The following PRICKLE2 variants were observed in gnomAD, a reference collection of about 807,000 sequenced individuals.
PRICKLE2 encodes the protein prickle planar cell polarity protein 2, also known as prickle-like protein 2.
In PRICKLE2, 21 loss-of-function variants were observed where a neutral mutation model predicts 81.4. The observed-to-expected ratio is 0.26, with a 90% CI of 0.18 to 0.37. PRICKLE2 has a LOEUF of 0.37. PRICKLE2 is among the 10% of genes least tolerant of loss of function. The pLI, the probability that PRICKLE2 is intolerant of heterozygous loss-of-function variation, is 1.00. For synonymous variants in PRICKLE2, 456 were observed against 421.5 expected, an observed-to-expected ratio of 1.08 and a Z score of -1.00; for missense variants, 940 against 1,109.0, an observed-to-expected ratio of 0.85 and a Z score of 2.16.
At chr3:64,156,054 C>T (rs1397810075) in intron 5 of PRICKLE2, among the ~76,000 whole-genome samples, 1 of 152,158 alleles carries the variant, frequency 6.6e-6, no homozygotes, top group African/African-American at 2.4e-5. Flanking sequence ...AAAGTGTGTG[C>T]TTCAATCATA....
upstream of PRICKLE2, chr3:64,225,517 C>A (rs116071865): frequency 2.6e-3 from 2,366 of 923,848 alleles, 45 homozygotes; most frequent in African/African-American, 0.04. Flanking sequence ...AAGTCAGTCA[C>A]GGCATCTGGA....
Position 64,265,134 on chromosome 3 carries a change from C to G in PRICKLE2, c.129-66167G>C, listed in dbSNP as rs190796994. Among the ~76,000 whole-genome samples the G allele has an allele frequency of 5.9e-5, 9 of 152,110 alleles. No individual in the cohort carries two copies. In the East Asian group the frequency reaches 1.7e-3, roughly 29 times the overall value. ...AGAGGAGCAGGATATGAAAAAACAT[C>G]ACCAACAAAACAAAACAAAGCAAAA... On this transcript the variant is annotated intron_variant, in intron 2 of 8. Coordinates refer to the PRICKLE2 transcript ENST00000295902.
chr3:64,220,522 C>T (rs2078935450), intron 1 of PRICKLE2, among the ~76,000 whole-genome samples: 1 of 152,144 alleles, frequency 6.6e-6, no homozygotes, highest in African/African-American at 2.4e-5. Flanking sequence ...CTTCAGTGCC[C>T]CAGGATACAG....
chr3:64,226,372 G>T (rs188117117), upstream of PRICKLE2, among the ~76,000 whole-genome samples: 2 of 152,298 alleles, frequency 1.3e-5, 1 homozygote, highest in East Asian at 3.9e-4. Context: ...AGAGCCCTGT[G>T]TTCAAATCCT....
chr3:64,153,445 C>T, intron 5 of PRICKLE2, 77 bp from the exon 6 acceptor site: 1 of 1,402,708 alleles, frequency 7.1e-7, no homozygotes, highest in Admixed American at 1.7e-5. Context: ...GCTATGGGGT[C>T]CTTGAACTAG....
chr3:64,206,133 C>T (rs1009200666), intron 1 of PRICKLE2, among the ~76,000 whole-genome samples: 1 of 152,068 alleles, frequency 6.6e-6, no homozygotes, highest in African/African-American at 2.4e-5. Context: ...ATCTGGTTGC[C>T]AAGACATTAC....
intron 1 of PRICKLE2, among the ~76,000 whole-genome samples, chr3:64,215,299 T>TAA (rs2078854764): frequency 6.6e-6 from 1 of 152,196 alleles, no homozygotes; most frequent in Non-Finnish European, 1.5e-5. Context: ...CTTAGGATCT[T>TAA]TGCAGCAGCT....
chr3:64,196,503 C>T (rs1485422869), intron 2 of PRICKLE2, among the ~76,000 whole-genome samples: 1 of 152,180 alleles, frequency 6.6e-6, no homozygotes. Flanking sequence ...AGTGTCTAAA[C>T]AAACTCAATC....
intron 2 of PRICKLE2, among the ~76,000 whole-genome samples, chr3:64,248,363 C>T (rs2079391291): frequency 6.6e-6 from 1 of 152,162 alleles, no homozygotes. Context: ...AAATTGACTC[C>T]TTTCCCCAAT....
intron 2 of PRICKLE2, chr3:64,194,101 G>C (rs1330672746): frequency 1.3e-5 from 2 of 152,064 alleles, no homozygotes; most frequent in Non-Finnish European, 2.9e-5. Flanking sequence ...TTTTATAAAA[G>C]AGGAAAAAGT....
chr3:64,250,632 T>C (rs2079433290), intron 2 of PRICKLE2, among the ~76,000 whole-genome samples: 1 of 152,204 alleles, frequency 6.6e-6, no homozygotes, highest in East Asian at 1.9e-4. Flanking sequence ...ACTCATGAGA[T>C]CATGGCACTT....
At chr3:64,184,728 C>G (rs763989413) in intron 2 of PRICKLE2, among the ~76,000 whole-genome samples, 2 of 152,180 alleles carry the variant, frequency 1.3e-5, no homozygotes, top group Non-Finnish European at 2.9e-5. Flanking sequence ...AAGCGATCCT[C>G]CTGTCTCAGG....
At chr3:64,123,585 T>C (rs997094471) in intron 7 of PRICKLE2, among the ~76,000 whole-genome samples, 1 of 152,234 alleles carries the variant, frequency 6.6e-6, no homozygotes, top group Non-Finnish European at 1.5e-5. Context: ...CAGCACCATT[T>C]TTCCAACAGC....
intron 2 of PRICKLE2, among the ~76,000 whole-genome samples, chr3:64,186,492 C>T (rs1313623857): frequency 1.3e-5 from 2 of 152,172 alleles, no homozygotes; most frequent in East Asian, 1.9e-4. Flanking sequence ...GAGGCCAGCA[C>T]AAAGCCTGAT....
At chr3:64,265,247 T>G (rs2079682526) in intron 2 of PRICKLE2, among the ~76,000 whole-genome samples, 1 of 152,158 alleles carries the variant, frequency 6.6e-6, no homozygotes, top group Admixed American at 6.6e-5. Context: ...CATTCAGATT[T>G]TGAGAAAATA....
rs777345520 is a variant in PRICKLE2, at chr3:64,147,083, T to C, written c.1407A>G (p.Arg469=). Residue 469 remains arginine (R), a synonymous_variant, in exon 7 of 8, where the codon CGA becomes CGG. Coordinates refer to ENST00000638394, the MANE Select transcript of PRICKLE2 (RefSeq NM_198859.4). The surrounding 1 kb of genome is among the most constrained non-coding windows in gnomAD (Gnocchi z 5.0). Reference sequence around the variant, plus strand: ...TCAGCCTCCCCGGGTAATAGTCTTCTCGGCATTCCTTGATGAAGCTGCCAG... The same window carrying C: ...TCAGCCTCCCCGGGTAATAGTCTTCCCGGCATTCCTTGATGAAGCTGCCAG... The part of the protein sequence containing the change: ...GHAGSFIKEC[R]EDYYPGRLRS... 1.9e-6 allele frequency: 3 copies of C among 1,614,050 alleles called. No homozygotes were observed. In the African/African-American group the frequency reaches 4.0e-5, roughly 22 times the overall value.
intron 2 of PRICKLE2, among the ~76,000 whole-genome samples, chr3:64,237,719 CG>C (rs142925176): frequency 6.6e-6 from 1 of 151,824 alleles, no homozygotes; most frequent in African/African-American, 2.4e-5. Context: ...AGGGCTTCAC[CG>C]GGGGGCCCCA....
chr3:64,134,215 G>A (rs533085559), intron 7 of PRICKLE2, among the ~76,000 whole-genome samples: 5 of 152,284 alleles, frequency 3.3e-5, no homozygotes, highest in East Asian at 1.9e-4. Context: ...GAGGTGGTAC[G>A]GTTTCAACCA....
chr3:64,123,772 A>G (rs948671406), intron 7 of PRICKLE2, among the ~76,000 whole-genome samples: 2 of 152,192 alleles, frequency 1.3e-5, no homozygotes, highest in African/African-American at 4.8e-5. Flanking sequence ...ATATCATTAA[A>G]TGTTGTATGT....
Sources: gnomAD v4.1 joint callset for allele counts (sites outside exome capture counted in the v4.1 genomes callset) on GRCh38, gnomAD v4.1.1 for gene constraint, Gnocchi (gnomAD v3.1) non-coding constraint, MANE v1.5 for transcripts, NCBI Gene and HGNC (gene_info 2026-07-23, HGNC 2026-07-21) for gene names.